ROBO2: variants seen among roughly 807,000 people sequenced by gnomAD.
The protein encoded by ROBO2 is roundabout guidance receptor 2.
A neutral mutation model predicts 160.8 loss-of-function variants in ROBO2; 53 were observed. That is an observed-to-expected ratio of 0.33 (90% CI 0.26 to 0.41). The LOEUF (loss-of-function observed/expected upper bound fraction) is 0.41, where lower values mean the gene tolerates loss of function less well. ROBO2 is among the 10% of genes least tolerant of loss of function. The pLI is 1.00. For missense variants in ROBO2, 1,577 were observed against 1,722.4 expected (o/e 0.92, Z 1.49); for synonymous variants, 664 against 611.7 (o/e 1.09, Z -1.26).
intron 2 of ROBO2, among the ~76,000 whole-genome samples, chr3:76,446,653 G>A (rs566644597): frequency 1.8e-4 from 27 of 152,208 alleles, no homozygotes; most frequent in African/African-American, 4.1e-4. Context: ...CTACAAGGCT[G>A]CAGTAACCAA....
intron 2 of ROBO2, among the ~76,000 whole-genome samples, chr3:76,428,295 T>C (rs2076299190): frequency 1.3e-5 from 2 of 152,168 alleles, no homozygotes; most frequent in Non-Finnish European, 2.9e-5. Context: ...TGTTTAACCC[T>C]GTGGATACCT....
intron 2 of ROBO2, among the ~76,000 whole-genome samples, chr3:76,366,750 G>T (rs375831946): frequency 1.7e-3 from 251 of 151,970 alleles, no homozygotes; most frequent in Middle Eastern, 0.014. Flanking sequence ...ATTATTCTAT[G>T]TATGATCACT....
rs1293763818 is a variant in ROBO2, at chr3:77,135,988, A to AT, written c.388+37648_388+37649insT. On this transcript the variant is annotated intron_variant, in intron 2 of 25. Coordinates refer to ENST00000461745, the Ensembl canonical transcript of ROBO2. ...AATGTTTGTTTCTATAATTAAAAAT[A>AT]CCTAAGATTATTGACTGGGTATCTG... Among the ~76,000 whole-genome samples the AT allele has an allele frequency of 1.4e-4, 21 of 152,354 alleles. No individual in the cohort carries two copies. In the East Asian group the frequency reaches 4.0e-3, roughly 29 times the overall value.
intron 2 of ROBO2, among the ~76,000 whole-genome samples, chr3:76,677,941 CAGAGAAAGAAAA>C: frequency 8.6e-6 from 1 of 116,872 alleles, no homozygotes; most frequent in African/African-American, 3.2e-5. Flanking sequence ...TTTTCTCTCA[CAGAGAAAGAAAA>C]TATGCTTTTT....
In ROBO2 at chr3:75,955,581, T is replaced by A. The variant is rs141677070; in HGVS notation, c.109+17979T>A. 6.6e-5 allele frequency among the ~76,000 whole-genome samples: 10 copies of A among 151,686 alleles called. No homozygotes were observed. The East Asian group carries it at 1.8e-3, about 27-fold the overall frequency. On this transcript the variant is annotated intron_variant, in intron 2 of 26. Transcript: ENST00000487694. ...CACACCAACATGGCACATGTATACATATGTAACAAACCTCCACGTTGTGCA... is the reference window on the plus strand; with the variant it reads ...CACACCAACATGGCACATGTATACAAATGTAACAAACCTCCACGTTGTGCA...
intron 2 of ROBO2, among the ~76,000 whole-genome samples, chr3:76,216,631 C>T (rs1307294604): frequency 6.6e-6 from 1 of 152,084 alleles, no homozygotes; most frequent in Non-Finnish European, 1.5e-5. Context: ...ATATATGCAC[C>T]CAATACAGGA....
At chr3:77,484,117 G>A (rs965228875) in intron 4 of ROBO2, among the ~76,000 whole-genome samples, 1 of 151,784 alleles carries the variant, frequency 6.6e-6, no homozygotes, top group Admixed American at 6.6e-5. Context: ...ATAGTTTTTG[G>A]TCATGAAATA....
At chr3:76,109,410 C>CACT (rs1255532711) in intron 2 of ROBO2, among the ~76,000 whole-genome samples, 5 of 151,870 alleles carry the variant, frequency 3.3e-5, no homozygotes, top group Non-Finnish European at 5.9e-5. Flanking sequence ...TGTCAGGTAC[C>CACT]ACTACTACTA....
At chr3:75,916,556 A>G (rs553138182) in intron 1 of ROBO2, among the ~76,000 whole-genome samples, 1 of 152,302 alleles carries the variant, frequency 6.6e-6, no homozygotes, top group South Asian at 2.1e-4. Context: ...ATTATTTTTG[A>G]TAAGTGTACA....
intron 2 of ROBO2, among the ~76,000 whole-genome samples, chr3:76,926,299 C>A (rs535259569): frequency 6.6e-6 from 1 of 152,110 alleles, no homozygotes; most frequent in Non-Finnish European, 1.5e-5. Context: ...AAAAGCGTGA[C>A]GACATTTTAA....
At chr3:77,173,427 T>G (rs966969379) in intron 2 of ROBO2, among the ~76,000 whole-genome samples, 10 of 152,116 alleles carry the variant, frequency 6.6e-5, no homozygotes, top group Non-Finnish European at 1.3e-4. Context: ...AGAAGTGACC[T>G]TGTTATGTTG....
At chr3:76,305,833 C>G (rs2071317617) in intron 2 of ROBO2, among the ~76,000 whole-genome samples, 1 of 150,042 alleles carries the variant, frequency 6.7e-6, no homozygotes, top group East Asian at 2.0e-4. Context: ...GGTGACAGAG[C>G]AAGACTCCAT....
At chr3:76,377,879 G>T (rs185873641) in intron 2 of ROBO2, among the ~76,000 whole-genome samples, 3 of 152,172 alleles carry the variant, frequency 2.0e-5, no homozygotes, top group African/African-American at 7.2e-5. Context: ...TGATTACACT[G>T]TCATCAGTAT....
chr3:76,227,793 G>T (rs777477020), intron 2 of ROBO2, among the ~76,000 whole-genome samples: 7 of 152,078 alleles, frequency 4.6e-5, no homozygotes, highest in Non-Finnish European at 7.3e-5. Context: ...TAACACATCC[G>T]CTGGGGATTC....
intron 2 of ROBO2, among the ~76,000 whole-genome samples, chr3:76,894,399 T>C (rs2074604674): frequency 6.6e-6 from 1 of 152,150 alleles, no homozygotes; most frequent in African/African-American, 2.4e-5. Flanking sequence ...TAGTATGTTT[T>C]ACTATCTTAA....
At chr3:76,001,006 T>G (rs1364495949) in intron 2 of ROBO2, among the ~76,000 whole-genome samples, 1 of 152,202 alleles carries the variant, frequency 6.6e-6, no homozygotes, top group Non-Finnish European at 1.5e-5. Context: ...TTCTTTATTT[T>G]TTCATTTGTT....
At chr3:76,548,688 G>A (rs561834456) in intron 2 of ROBO2, among the ~76,000 whole-genome samples, 141 of 150,684 alleles carry the variant, frequency 9.4e-4, no homozygotes, top group African/African-American at 3.4e-3. Flanking sequence ...CAATAAAGTT[G>A]AGGAGTAAAT....
rs780394608 is a variant in ROBO2 at position 76,269,314 on chromosome 3, T to C, written c.109+331712T>C. 1.2e-4 allele frequency among the ~76,000 whole-genome samples: 19 copies of C among 152,040 alleles called. No individual in the cohort carries two copies. In the South Asian group the frequency reaches 1.9e-3, roughly 15 times the overall value. On this transcript the variant is annotated intron_variant, in intron 2 of 26. Transcript: ENST00000487694. ...TACAACTACTAGGTACTCATACAACTTAAAAATAAATAAATAAACACATGA... is the reference window on the plus strand; with the variant it reads ...TACAACTACTAGGTACTCATACAACCTAAAAATAAATAAATAAACACATGA...
intron 1 of ROBO2, among the ~76,000 whole-genome samples, chr3:75,934,598 G>T (rs917790098): frequency 8.5e-5 from 13 of 152,088 alleles, no homozygotes; most frequent in Admixed American, 6.6e-4. Flanking sequence ...AGAATGGCAG[G>T]GGCAGCATTT....
Sources: allele counts gnomAD v4.1 joint callset (sites outside exome capture counted in the v4.1 genomes callset), GRCh38; gene constraint gnomAD v4.1.1; transcripts MANE v1.5; gene names NCBI Gene and HGNC (gene_info 2026-07-23, HGNC 2026-07-21).